Variants in VWA5B1 observed in about 807,000 individuals in gnomAD.
VWA5B1 encodes the protein von Willebrand factor A domain containing 5B1.
A neutral mutation model predicts 118.2 loss-of-function variants in VWA5B1; 115 were observed. That is an observed-to-expected ratio of 0.97 (90% CI 0.84 to 1.14). The LOEUF (loss-of-function observed/expected upper bound fraction) is 1.14, where lower values mean the gene tolerates loss of function less well. VWA5B1 is among the 50% of genes most tolerant of loss of function. VWA5B1 has a pLI of 0.00. For missense variants in VWA5B1, 1,596 were observed against 1,603.8 expected (o/e 1.00, Z 0.08); for synonymous variants, 682 against 658.4 (o/e 1.04, Z -0.55).
chr1:20,343,148 A>T lies in VWA5B1; in HGVS notation c.2381A>T (p.Gln794Leu). The T allele has an allele frequency of 6.5e-7, 1 of 1,547,144 alleles. No homozygotes were observed. ...SSDWDPPAES[Q>L]ERASPSRPAT... ...GACTGGGACCCCCCAGCCGAGTCCCAGGAGCGAGCCAGTCCCAGCAGGCCC... is the reference window on the plus strand; with the variant it reads ...GACTGGGACCCCCCAGCCGAGTCCCTGGAGCGAGCCAGTCCCAGCAGGCCC... Residue 794 changes from glutamine to leucine, a missense_variant, in exon 16 of 22, where the codon CAG (glutamine) becomes CTG (leucine). By Grantham distance (113) the Gln-to-Leu change is moderately radical (BLOSUM62 -2). Transcript: ENST00000289815.
chr1:20,340,829 T>C (rs1311288893), intron 14 of VWA5B1, among the ~76,000 whole-genome samples: 1 of 152,234 alleles, frequency 6.6e-6, no homozygotes, highest in East Asian at 1.9e-4. Context: ...ATATTAATAC[T>C]ACACACACAA....
chr1:20,353,622 A>G, intron 21 of VWA5B1, 135 bp from the exon 22 acceptor site: 1 of 1,190,720 alleles, frequency 8.4e-7, no homozygotes, highest in Non-Finnish European at 1.1e-6. Flanking sequence ...AGAGATGCTC[A>G]ATTGACCTGG....
rs2089277858 is a variant in VWA5B1, at chr1:20,323,298, TC to T, written c.967-54del. The T allele has an allele frequency of 3.2e-5, 44 of 1,369,422 alleles. No individual in the cohort carries two copies. The South Asian group carries it at 7.8e-4, about 24-fold the overall frequency. The allele number at this position is 1,369,422 out of a possible 1,614,324, so 84.8% of individuals were successfully genotyped here. A position where few individuals can be genotyped will look rare whatever the true frequency, so the allele number is the denominator to read the frequency against. On this transcript the variant is annotated intron_variant, in intron 7 of 21. Transcript: ENST00000289815. ...GGTGAGTGACGGGGACCAGCATGAG[TC>T]CCCAGGAGTACCTCTTGACCCTGAT...
intron 9 of VWA5B1, among the ~76,000 whole-genome samples, chr1:20,328,351 C>T (rs2089449617): frequency 6.6e-6 from 1 of 152,076 alleles, no homozygotes; most frequent in South Asian, 2.1e-4. Flanking sequence ...TGGACGCATG[C>T]AAGGTTGAGC....
chr1:20,292,113 C>T (rs1378938674), intron 1 of VWA5B1, among the ~76,000 whole-genome samples: 2 of 151,792 alleles, frequency 1.3e-5, no homozygotes, highest in Non-Finnish European at 2.9e-5. Flanking sequence ...TTCTTTCCCT[C>T]TGTCTCTCTT....
In VWA5B1 at chr1:20,354,224, C is replaced by T. The variant is rs61743925; in HGVS notation, c.3609C>T (p.Leu1203=). Residue 1203 remains leucine, a synonymous_variant, in exon 22 of 22, where the codon CTC becomes CTT. Transcript: ENST00000289815. ...FVLLRHWDEN[L]EFNMLCYNPN... is the part of the protein sequence containing the mutation. ...TTCTGCGGCACTGGGATGAGAATCTCGAGTTCAATATGCTCTGCTATAACC... is the reference window on the plus strand; with the variant it reads ...TTCTGCGGCACTGGGATGAGAATCTTGAGTTCAATATGCTCTGCTATAACC... The T allele has an allele frequency of 2.2e-5, 34 of 1,548,576 alleles. No individual in the cohort carries two copies. Among genetic ancestry groups the T allele is most frequent in the African/African-American group, 1.4e-4 (10 of 72,762 alleles).
chr1:20,308,286 T>C lies in VWA5B1; in HGVS notation c.-26-2290T>C, dbSNP rs150372388. ...CTGCCGTCTGTTATCAGATGAGATG[T>C]CCCTCATCTAAGCCCCGCTCCCTGG... is the stretch of plus-strand genomic sequence containing the variant. On this transcript the variant is annotated intron_variant, in intron 1 of 21. Coordinates refer to ENST00000289815, the MANE Select transcript of VWA5B1 (RefSeq NM_001039500.3). 3.0e-3 allele frequency among the ~76,000 whole-genome samples: 456 copies of C among 152,270 alleles called. 2 individuals are homozygous for C. Among genetic ancestry groups the C allele is most frequent in the African/African-American group, 0.01 (428 of 41,544 alleles).
intron 9 of VWA5B1, among the ~76,000 whole-genome samples, chr1:20,329,529 G>A (rs191159529): frequency 1.3e-3 from 191 of 152,058 alleles, no homozygotes; most frequent in African/African-American, 3.4e-3. Flanking sequence ...GGCTGGTCTC[G>A]AATTCCTGAC....
intron 1 of VWA5B1, among the ~76,000 whole-genome samples, chr1:20,301,402 A>C (rs1352632477): frequency 6.6e-6 from 1 of 152,246 alleles, no homozygotes; most frequent in Non-Finnish European, 1.5e-5. Flanking sequence ...CCCGCCCACT[A>C]TACAGAGGGT....
At chr1:20,313,360 C>CA (rs1341277867) in intron 3 of VWA5B1, among the ~76,000 whole-genome samples, 4 of 152,180 alleles carry the variant, frequency 2.6e-5, no homozygotes, top group African/African-American at 9.7e-5. Flanking sequence ...CTGTTGCTCA[C>CA]AAATGGTGGA....
At chr1:20,307,566 T>C (rs2088696063) in intron 1 of VWA5B1, among the ~76,000 whole-genome samples, 1 of 152,224 alleles carries the variant, frequency 6.6e-6, no homozygotes, top group Non-Finnish European at 1.5e-5. Context: ...CCTGGCACAT[T>C]TTCAGTGTTT....
rs564735342 is a variant in VWA5B1, at chr1:20,341,861, G to A, written c.2134-571G>A. On this transcript the variant is annotated intron_variant, in intron 14 of 21. Transcript: ENST00000289815. ...AGGTAGGAAACTGATTAAACTGCCTGGATTCAAATGGAAAAACTGCATTCA... is the reference window on the plus strand; with the variant it reads ...AGGTAGGAAACTGATTAAACTGCCTAGATTCAAATGGAAAAACTGCATTCA... Among the ~76,000 whole-genome samples, 10 of 152,256 alleles carry A rather than the reference G, an allele frequency of 6.6e-5. No individual in the cohort carries two copies. The South Asian group carries it at 1.9e-3, about 28-fold the overall frequency.
rs2090204389 is a variant in VWA5B1, at chr1:20,354,994, T to A, written c.*731T>A. 1 of 152,304 alleles carries A rather than the reference T, an allele frequency of 6.6e-6. No individual in the cohort carries two copies. The highest frequency in any genetic ancestry group is 1.9e-4 in the East Asian group (1 of 5,186). 9.4% of individuals were successfully genotyped at this position (152,304 alleles called of 1,614,324 possible). A position where few individuals can be genotyped will look rare whatever the true frequency, so the allele number is the denominator to read the frequency against. On this transcript the variant is annotated 3_prime_UTR_variant, in exon 22 of 22. Coordinates refer to ENST00000289815, the MANE Select transcript of VWA5B1 (RefSeq NM_001039500.3). ...GGTGGCAGGACCAGGGGAGACACCT[T>A]GTGAGTTGACGTGTTAGATTTAAGC...
In VWA5B1 at chr1:20,355,073, T is replaced by A. The variant is rs376506666; in HGVS notation, c.*810T>A. Among the ~76,000 whole-genome samples, 1 of 152,144 alleles carries A rather than the reference T, an allele frequency of 6.6e-6. No homozygotes were observed. On this transcript the variant is annotated 3_prime_UTR_variant, in exon 22 of 22. Coordinates refer to ENST00000289815, the MANE Select transcript of VWA5B1 (RefSeq NM_001039500.3). ...GAACAGACATGGTCACAGAAGTCAA[T>A]GAAGACACCAGACAACACCTTACTT...
chr1:20,296,579 C>T (rs1228586083), intron 1 of VWA5B1, among the ~76,000 whole-genome samples: 1 of 152,192 alleles, frequency 6.6e-6, no homozygotes, highest in Non-Finnish European at 1.5e-5. Flanking sequence ...AATGTCATAT[C>T]ATGCTAGCAT....
intron 1 of VWA5B1, among the ~76,000 whole-genome samples, chr1:20,298,325 G>A (rs2088445616): frequency 1.3e-5 from 2 of 152,052 alleles, no homozygotes; most frequent in South Asian, 4.2e-4. Context: ...GAATCTGAAA[G>A]GGTAAGCTGG....
rs894825349 is a variant in VWA5B1 at position 20,356,293 on chromosome 1, A to G, written c.*2030A>G. On this transcript the variant is annotated 3_prime_UTR_variant, in exon 22 of 22. Coordinates refer to ENST00000289815, the MANE Select transcript of VWA5B1 (RefSeq NM_001039500.3). ...GTTTGGGCAAGTGGTTTCTCCTCCT[A>G]GGTGCCCTGGAGCTGGGGCTTTCTC... Among the ~76,000 whole-genome samples, 2 of 152,080 alleles carry G rather than the reference A, an allele frequency of 1.3e-5. No individual in the cohort carries two copies. The highest frequency in any genetic ancestry group is 6.5e-5 in the Admixed American group (1 of 15,278).
intron 18 of VWA5B1, 121 bp downstream of exon 18, chr1:20,348,479 T>TGCCTAAGCCCAC: frequency 9.3e-7 from 1 of 1,074,782 alleles, no homozygotes; most frequent in Non-Finnish European, 1.4e-6. Context: ...ACTGTGGGCT[T>TGCCTAAGCCCAC]AGGCAGGCCC....
At chr1:20,351,059 A>G in intron 20 of VWA5B1, 133 bp downstream of exon 20, 3 of 799,246 alleles carry the variant, frequency 3.8e-6, no homozygotes, top group Non-Finnish European at 4.0e-6. Context: ...TAAAGAAGGC[A>G]CTCCTGCCCA....
Sources: gnomAD v4.1 joint callset for allele counts (sites outside exome capture counted in the v4.1 genomes callset) on GRCh38, gnomAD v4.1.1 for gene constraint, MANE v1.5 for transcripts, NCBI Gene and HGNC (gene_info 2026-07-23, HGNC 2026-07-21) for gene names.